Variants in NACC2 observed in about 807,000 individuals in gnomAD.
The protein encoded by NACC2 is nucleus accumbens-associated protein 2.
NACC2 carries 8 observed loss-of-function variants against 25.1 expected under a neutral mutation model. That is an observed-to-expected ratio of 0.32 (90% CI 0.19 to 0.57). NACC2 has a LOEUF of 0.57. Among genes scored for constraint, NACC2 ranks in the 20% least tolerant of loss-of-function variants. The probability of loss-of-function intolerance (pLI) is 0.89; values close to 1 mark genes in which losing one functional copy is unlikely to be tolerated. For synonymous variants in NACC2, 435 were observed against 294.7 expected (o/e 1.48, Z -4.88); for missense variants, 644 against 650.2 (o/e 0.99, Z 0.10).
intron 1 of NACC2, among the ~76,000 whole-genome samples, chr9:136,077,672 G>T (rs78557910): frequency 0.04 from 6,140 of 152,296 alleles, 150 homozygotes; most frequent in Non-Finnish European, 0.057. Context: ...GGTGACACCT[G>T]AGCAGGGGGC....
intron 2 of NACC2, among the ~76,000 whole-genome samples, chr9:136,036,498 C>T (rs1840556104): frequency 1.3e-5 from 2 of 152,132 alleles, no homozygotes; most frequent in African/African-American, 4.8e-5. Context: ...CACATAAATA[C>T]ATATATATAC....
In NACC2 at chr9:136,021,344, G is replaced by A. The variant is rs200762626; in HGVS notation, c.887-4915C>T. Among the ~76,000 whole-genome samples the A allele has an allele frequency of 4.2e-5, 4 of 94,528 alleles. No homozygotes were observed. In the East Asian group the frequency reaches 7.1e-4, roughly 17 times the overall value. The allele number at this position is 94,528 out of a possible 152,430, so 62.0% of individuals were successfully genotyped here. A position where few individuals can be genotyped will look rare whatever the true frequency, so the allele number is the denominator to read the frequency against. ...ATGTTGCGGTCCCACCTCCCAGTGCGGGAAACGTAAAAACACCGACGCCAA... is the reference window on the plus strand; with the variant it reads ...ATGTTGCGGTCCCACCTCCCAGTGCAGGAAACGTAAAAACACCGACGCCAA... On this transcript the variant is annotated intron_variant, in intron 2 of 5. Coordinates refer to ENST00000277554, the MANE Select transcript of NACC2 (RefSeq NM_144653.5).
At chr9:136,077,520 G>C (rs944619908) in intron 1 of NACC2, among the ~76,000 whole-genome samples, 13 of 152,190 alleles carry the variant, frequency 8.5e-5, no homozygotes, top group Admixed American at 2.0e-4. Flanking sequence ...TGCAACATAT[G>C]TATCTTCAGC....
chr9:136,026,305 T>A (rs1292765954), intron 2 of NACC2, among the ~76,000 whole-genome samples: 2 of 122,946 alleles, frequency 1.6e-5, no homozygotes, highest in Non-Finnish European at 3.1e-5. Flanking sequence ...ATGGCACCAC[T>A]GCACTCCAGC....
intron 1 of NACC2, among the ~76,000 whole-genome samples, chr9:136,074,267 G>A (rs1436100000): frequency 2.7e-5 from 4 of 150,076 alleles, no homozygotes; most frequent in East Asian, 4.0e-4. Flanking sequence ...TGGCTAACAC[G>A]GTGAAACCCC....
At chr9:136,057,933 G>T (rs989589616) in intron 1 of NACC2, among the ~76,000 whole-genome samples, 2 of 152,144 alleles carry the variant, frequency 1.3e-5, no homozygotes, top group Non-Finnish European at 2.9e-5. Flanking sequence ...CATTAGAGAC[G>T]GCGACTTCGC....
At chr9:136,059,598 G>A (rs1437255141) in intron 1 of NACC2, among the ~76,000 whole-genome samples, 1 of 152,224 alleles carries the variant, frequency 6.6e-6, no homozygotes, top group African/African-American at 2.4e-5. Context: ...CCAGCAACGC[G>A]TCCAGGTCAG....
At chr9:136,036,780 A>G (rs2131151515) in intron 2 of NACC2, among the ~76,000 whole-genome samples, 1 of 152,354 alleles carries the variant, frequency 6.6e-6, no homozygotes, top group South Asian at 2.1e-4. Flanking sequence ...TGACAAAAAC[A>G]TACATTTAGT....
At chr9:136,051,720 G>A (rs1840842258) in intron 1 of NACC2, among the ~76,000 whole-genome samples, 1 of 152,236 alleles carries the variant, frequency 6.6e-6, no homozygotes, top group South Asian at 2.1e-4. Flanking sequence ...CCGGCCGGTC[G>A]GGAAGACCTA....
At chr9:136,081,932 G>A (rs962249692) in intron 1 of NACC2, among the ~76,000 whole-genome samples, 8 of 138,898 alleles carry the variant, frequency 5.8e-5, no homozygotes, top group Middle Eastern at 3.7e-3. Flanking sequence ...GCAGCACCCC[G>A]AAACCCCAGG....
intron 1 of NACC2, among the ~76,000 whole-genome samples, chr9:136,060,545 G>GT (rs991779007): frequency 1.3e-5 from 2 of 152,238 alleles, no homozygotes; most frequent in African/African-American, 4.8e-5. Flanking sequence ...CTGGGGCCGG[G>GT]TGGGGGGTGC....
At chr9:136,033,894 G>GGTGTGTGT (rs57460855) in intron 2 of NACC2, among the ~76,000 whole-genome samples, 127 of 137,030 alleles carry the variant, frequency 9.3e-4, no homozygotes, top group East Asian at 2.8e-3. Flanking sequence ...AATTCCAGCA[G>GGTGTGTGT]GTGTGTGTGT....
chr9:136,067,185 C>T lies in NACC2; in HGVS notation c.-59-16605G>A, dbSNP rs563686102. Reference sequence around the variant, plus strand: ...AGGAGAATCGCTTGAACCCGGGAGGCGGACGTTGCGGTGAGCCAAGATCGC... The same window carrying T: ...AGGAGAATCGCTTGAACCCGGGAGGTGGACGTTGCGGTGAGCCAAGATCGC... On this transcript the variant is annotated intron_variant, in intron 1 of 5. Transcript: ENST00000277554. 3.1e-4 allele frequency among the ~76,000 whole-genome samples: 47 copies of T among 150,134 alleles called. 2 individuals are homozygous for T. Among genetic ancestry groups the T allele is most frequent in the African/African-American group, 1.0e-3 (41 of 40,698 alleles).
chr9:136,056,928 C>G (rs1840933123), intron 1 of NACC2, among the ~76,000 whole-genome samples: 1 of 152,248 alleles, frequency 6.6e-6, no homozygotes, highest in Non-Finnish European at 1.5e-5. Context: ...TGTATCAGCC[C>G]TTCCTCTCGG....
rs374646636 is a variant in NACC2 at position 136,006,607 on chromosome 9, T to A, written c.*4909A>T. On this transcript the variant is annotated 3_prime_UTR_variant, in exon 6 of 6. Coordinates refer to ENST00000277554, the MANE Select transcript of NACC2 (RefSeq NM_144653.5). ...AAGCGCTTTACAATTAATGATCACA[T>A]CCTTTTGTTTGTCATGGATTTCCAC... The A allele has an allele frequency of 1.3e-3, 204 of 152,356 alleles. 2 individuals carry two copies. Among genetic ancestry groups the A allele is most frequent in the African/African-American group, 4.6e-3 (192 of 41,584 alleles). 9.4% of individuals were successfully genotyped at this position (152,356 alleles called of 1,614,324 possible).
At chr9:136,027,215 ACT>A (rs1341827363) in intron 2 of NACC2, among the ~76,000 whole-genome samples, 1 of 152,326 alleles carries the variant, frequency 6.6e-6, no homozygotes, top group South Asian at 2.1e-4. Flanking sequence ...ATGGAGCAAG[ACT>A]CTGTCTCAAA....
Position 136,007,181 on chromosome 9 carries a change from C to T in NACC2, c.*4335G>A, listed in dbSNP as rs1270654280. The stretch of plus-strand genomic sequence containing the variant: ...GATGCTAACAATGGAAGCGACTGAT[C>T]GGAATACGAGCCGGTCGTCCAGTCT... On this transcript the variant is annotated 3_prime_UTR_variant, in exon 6 of 6. Coordinates refer to ENST00000277554, the MANE Select transcript of NACC2 (RefSeq NM_144653.5). The T allele has an allele frequency of 6.5e-6, 1 of 154,374 alleles. No homozygotes were observed. Among genetic ancestry groups the T allele is most frequent in the African/African-American group, 2.4e-5 (1 of 41,510 alleles). 9.6% of individuals were successfully genotyped at this position (154,374 alleles called of 1,614,324 possible).
intron 1 of NACC2, among the ~76,000 whole-genome samples, chr9:136,071,226 G>A (rs1176690138): frequency 6.0e-5 from 9 of 151,228 alleles, no homozygotes; most frequent in Admixed American, 5.9e-4. Flanking sequence ...GACAGAGCAA[G>A]ACTACGTCTC....
intron 2 of NACC2, among the ~76,000 whole-genome samples, chr9:136,048,313 CGG>C: frequency 6.6e-6 from 1 of 152,160 alleles, no homozygotes. Flanking sequence ...GCACATGGGG[CGG>C]ATTCCCCGGA....
Sources: gnomAD v4.1 joint callset for allele counts (sites outside exome capture counted in the v4.1 genomes callset) on GRCh38, gnomAD v4.1.1 for gene constraint, MANE v1.5 for transcripts, NCBI Gene and HGNC (gene_info 2026-07-23, HGNC 2026-07-21) for gene names.